Variants in NAV3 observed in about 807,000 individuals in gnomAD.
NAV3 encodes the protein neuron navigator 3, also known as pore membrane and/or filament interacting like protein 1.
In NAV3, 87 loss-of-function variants were observed where a neutral mutation model predicts 244.7. That is an observed-to-expected ratio of 0.36 (90% CI 0.30 to 0.42). The LOEUF is 0.42. Among genes scored for constraint, NAV3 ranks in the 20% least tolerant of loss-of-function variants. The probability of loss-of-function intolerance (pLI) is 1.00; values close to 1 mark genes in which losing one functional copy is unlikely to be tolerated. For missense variants in NAV3, 2,663 were observed against 2,893.3 expected (o/e 0.92, Z 1.83); for synonymous variants, 1,126 against 1,042.2 (o/e 1.08, Z -1.55).
chr12:77,790,974 AAAG>A, intron 2 of NAV3, among the ~76,000 whole-genome samples: 1 of 152,140 alleles, frequency 6.6e-6, no homozygotes, highest in East Asian at 1.9e-4. Flanking sequence ...GTTTTCCCTC[AAAG>A]GAGAAGGAAA....
At chr12:78,037,100 G>GT (rs1880022610) in intron 9 of NAV3, 1 of 702,908 alleles carries the variant, frequency 1.4e-6, no homozygotes, top group Non-Finnish European at 2.6e-6. Flanking sequence ...TGCAGTCCCT[G>GT]TATCACACCA....
Position 78,190,028 on chromosome 12 carries a change from A to C in NAV3, c.6100A>C (p.Ile2034Leu). The change falls in exon 34 of 40, where the codon ATT becomes CTT. Residue 2034 changes from isoleucine (I) to leucine (L), a missense_variant. Around this residue, in one of 6 missense-constraint regions of NAV3, gnomAD observed 543 missense variants for 672.4 expected, o/e 0.81. Coordinates refer to ENST00000397909, the MANE Select transcript of NAV3 (RefSeq NM_001024383.2). ...SLDSFVFDTL[I>L]PKPITQRYFN... Reference sequence around the variant, plus strand: ...GGACAGTTTTGTTTTTGATACGCTGATTCCTAAACCAATTACCCAAAGGTA... The same window carrying C: ...GGACAGTTTTGTTTTTGATACGCTGCTTCCTAAACCAATTACCCAAAGGTA... 6.2e-7 allele frequency: 1 copy of C among 1,613,128 alleles called. No individual in the cohort carries two copies. Among genetic ancestry groups the C allele is most frequent in the Non-Finnish European group, 8.5e-7 (1 of 1,179,412 alleles).
At chr12:77,895,220 G>A (rs74106574) in intron 1 of NAV3, among the ~76,000 whole-genome samples, 2,086 of 152,082 alleles carry the variant, frequency 0.014, 50 homozygotes, top group African/African-American at 0.047. Flanking sequence ...TATGAATAGA[G>A]TAATCAACAA....
At chr12:78,210,375 C>T (rs1397593756) in intron 39 of NAV3, 23 bp from the exon 40 acceptor site, 2 of 1,612,930 alleles carry the variant, frequency 1.2e-6, no homozygotes, top group East Asian at 2.2e-5. Flanking sequence ...TTGCCTACAT[C>T]GATGTCTTTT....
intron 23 of NAV3, among the ~76,000 whole-genome samples, chr12:78,166,485 TAAC>T (rs1957786347): frequency 6.6e-6 from 1 of 151,794 alleles, no homozygotes; most frequent in Non-Finnish European, 1.5e-5. Context: ...TTTAAAGAAA[TAAC>T]AGTATGAATT....
At chr12:77,678,059 G>T (rs1175650089) in intron 2 of NAV3, among the ~76,000 whole-genome samples, 1 of 151,954 alleles carries the variant, frequency 6.6e-6, no homozygotes, top group African/African-American at 2.4e-5. Context: ...GCACTGATTT[G>T]CTCTTAGGAG....
intron 9 of NAV3, among the ~76,000 whole-genome samples, chr12:78,025,401 G>A (rs1294270062): frequency 1.3e-5 from 2 of 151,802 alleles, no homozygotes; most frequent in African/African-American, 4.8e-5. Context: ...TTCGAAACCA[G>A]CCTGGCCAAC....
intron 2 of NAV3, among the ~76,000 whole-genome samples, chr12:77,668,935 A>T: frequency 6.6e-6 from 1 of 152,198 alleles, no homozygotes; most frequent in East Asian, 1.9e-4. Context: ...AACCCATCAG[A>T]TTAACAGCAG....
chr12:77,876,722 T>C (rs1269455281), intron 1 of NAV3, among the ~76,000 whole-genome samples: 1 of 152,096 alleles, frequency 6.6e-6, no homozygotes, highest in Non-Finnish European at 1.5e-5. Context: ...AGCCACTTTT[T>C]GAGTCTTTCA....
intron 3 of NAV3, among the ~76,000 whole-genome samples, chr12:77,951,753 G>A (rs548873636): frequency 6.6e-6 from 1 of 152,240 alleles, no homozygotes; most frequent in East Asian, 1.9e-4. Context: ...AAAAGGGTGA[G>A]TTCATGTCCT....
intron 2 of NAV3, among the ~76,000 whole-genome samples, chr12:77,795,585 G>A (rs555633663): frequency 4.0e-4 from 61 of 152,174 alleles, no homozygotes; most frequent in Non-Finnish European, 8.1e-4. Flanking sequence ...GTGCAGTATA[G>A]TTATACTGCA....
At chr12:77,863,674 A>G (rs142854184) in intron 1 of NAV3, among the ~76,000 whole-genome samples, 115 of 151,758 alleles carry the variant, frequency 7.6e-4, no homozygotes, top group African/African-American at 2.4e-3. Flanking sequence ...AGTTAGCAAT[A>G]TTTCTGTAAT....
At chr12:77,960,524 A>G (rs1337150287) in intron 3 of NAV3, among the ~76,000 whole-genome samples, 2 of 149,760 alleles carry the variant, frequency 1.3e-5, no homozygotes, top group Non-Finnish European at 3.0e-5. Flanking sequence ...CATGATGTAT[A>G]CTGTAATATA....
upstream of NAV3, among the ~76,000 whole-genome samples, chr12:77,826,492 C>CAGA (rs1873021862): frequency 2.0e-5 from 3 of 151,954 alleles, no homozygotes; most frequent in African/African-American, 7.3e-5. Context: ...ACTCTGTCCC[C>CAGA]CTCCCCCCAA....
intron 8 of NAV3, among the ~76,000 whole-genome samples, chr12:78,011,966 C>G (rs1301804554): frequency 2.0e-5 from 3 of 152,026 alleles, no homozygotes; most frequent in Non-Finnish European, 4.4e-5. Flanking sequence ...CACTCACTAT[C>G]AGGAGAACAG....
chr12:78,188,765 G>C lies in NAV3; in HGVS notation c.6043G>C (p.Val2015Leu), dbSNP rs2139856659. 1 of 1,611,266 alleles carries C rather than the reference G, an allele frequency of 6.2e-7. No individual in the cohort carries two copies. The highest frequency in any genetic ancestry group is 8.5e-7 in the Non-Finnish European group (1 of 1,178,350). Residue 2015 changes from valine to leucine, a missense_variant, in exon 33 of 40, where the codon GTG becomes CTG. Coordinates refer to ENST00000397909, the MANE Select transcript of NAV3 (RefSeq NM_001024383.2). ...TGTTGGAGATAATAACATCATCACT[G>C]TGAACCTCAAAGGTAAAAGCAATAA... is the stretch of plus-strand genomic sequence containing the variant. ...YLVGDNNIIT[V>L]NLKGVEENSL...
intron 2 of NAV3, among the ~76,000 whole-genome samples, chr12:77,657,046 G>T (rs1873145323): frequency 6.6e-6 from 1 of 152,134 alleles, no homozygotes; most frequent in Non-Finnish European, 1.5e-5. Context: ...ACAATTAAAA[G>T]AACTAGAAAA....
At chr12:77,746,832 G>T (rs1214985656) in intron 2 of NAV3, among the ~76,000 whole-genome samples, 2 of 152,114 alleles carry the variant, frequency 1.3e-5, no homozygotes, top group East Asian at 3.8e-4. Flanking sequence ...TTTCTTTGGA[G>T]AGATGAAACA....
chr12:78,034,791 G>A (rs1879575525), intron 9 of NAV3, among the ~76,000 whole-genome samples: 1 of 152,122 alleles, frequency 6.6e-6, no homozygotes, highest in African/African-American at 2.4e-5. Flanking sequence ...TTTCTACTTA[G>A]GAATTCTAAG....
Sources: gnomAD v4.1 joint callset for allele counts (sites outside exome capture counted in the v4.1 genomes callset) on GRCh38, gnomAD v4.1.1 for gene constraint, gnomAD v4.1.1 regional missense constraint, MANE v1.5 for transcripts, NCBI Gene and HGNC (gene_info 2026-07-23, HGNC 2026-07-21) for gene names.